CCSER1: variants seen among roughly 807,000 people sequenced by gnomAD.
CCSER1 encodes the protein serine-rich coiled-coil domain-containing protein 1.
In CCSER1, 41 loss-of-function variants were observed where a neutral mutation model predicts 82.0. That is an observed-to-expected ratio of 0.50 (90% CI 0.39 to 0.65). The LOEUF (loss-of-function observed/expected upper bound fraction) is 0.65, where lower values mean the gene tolerates loss of function less well. CCSER1 is among the 30% of genes least tolerant of loss of function. The pLI, the probability that CCSER1 is intolerant of heterozygous loss-of-function variation, is 0.00. For missense variants in CCSER1, 1,119 were observed against 1,064.2 expected (o/e 1.05, Z -0.72); for synonymous variants, 414 against 383.9 (o/e 1.08, Z -0.92).
At chr4:91,097,412 C>G (rs1463542062) in intron 10 of CCSER1, among the ~76,000 whole-genome samples, 1 of 152,124 alleles carries the variant, frequency 6.6e-6, no homozygotes, top group African/African-American at 2.4e-5. Flanking sequence ...TCAAGGATCA[C>G]TTTTATATAA....
intron 3 of CCSER1, among the ~76,000 whole-genome samples, chr4:90,348,769 T>C (rs968061851): frequency 2.0e-5 from 3 of 152,200 alleles, no homozygotes; most frequent in African/African-American, 4.8e-5. Context: ...GTTTCTGACA[T>C]CCACTGGTGG....
At chr4:90,233,383 C>A (rs969920161) in intron 1 of CCSER1, among the ~76,000 whole-genome samples, 9 of 151,926 alleles carry the variant, frequency 5.9e-5, no homozygotes, top group African/African-American at 1.9e-4. Flanking sequence ...ACAAAAAACC[C>A]AACACCGCAT....
chr4:90,938,924 C>T lies in CCSER1; in HGVS notation c.2172+15477C>T, dbSNP rs768203909. 239 of 160,580 alleles carry T rather than the reference C, an allele frequency of 1.5e-3. 1 individual carries two copies. The highest frequency in any genetic ancestry group is 2.8e-3 in the Non-Finnish European group (201 of 72,470). 9.9% of individuals were successfully genotyped at this position (160,580 alleles called of 1,614,324 possible). A position where few individuals can be genotyped will look rare whatever the true frequency, so the allele number is the denominator to read the frequency against. On this transcript the variant is annotated intron_variant, in intron 9 of 10. Coordinates refer to ENST00000509176, the MANE Select transcript of CCSER1 (RefSeq NM_001145065.2). ...TATTGATGAATTAAGATTCAACTAA[C>T]ATATTTCTGCTTTATTCTCATTGTA...
intron 10 of CCSER1, among the ~76,000 whole-genome samples, chr4:91,206,831 T>C (rs1364479300): frequency 1.3e-5 from 2 of 151,878 alleles, no homozygotes; most frequent in African/African-American, 4.8e-5. Flanking sequence ...CCTTGAGAGA[T>C]TGCTGAATTA....
chr4:90,685,773 C>T (rs1027407342), intron 6 of CCSER1, among the ~76,000 whole-genome samples: 3 of 152,236 alleles, frequency 2.0e-5, no homozygotes, highest in South Asian at 2.1e-4. Flanking sequence ...AATCAAACCG[C>T]GATACTGATT....
intron 6 of CCSER1, among the ~76,000 whole-genome samples, chr4:90,648,086 A>G (rs887985433): frequency 2.6e-5 from 4 of 151,932 alleles, no homozygotes; most frequent in Admixed American, 2.6e-4. Flanking sequence ...TTTAGGTTCA[A>G]TATTAGAGTA....
intron 5 of CCSER1, among the ~76,000 whole-genome samples, chr4:90,498,347 C>T (rs902638731): frequency 6.6e-6 from 1 of 152,100 alleles, no homozygotes; most frequent in Non-Finnish European, 1.5e-5. Flanking sequence ...ATCGACTGTG[C>T]AGTCTGAAAC....
chr4:91,380,307 A>G (rs893608636), intron 10 of CCSER1, among the ~76,000 whole-genome samples: 2 of 152,034 alleles, frequency 1.3e-5, no homozygotes, highest in Admixed American at 6.5e-5. Context: ...ATCCTTTTTA[A>G]CTTTCTGTCT....
intron 8 of CCSER1, among the ~76,000 whole-genome samples, chr4:90,916,896 A>T (rs942529428): frequency 5.0e-5 from 6 of 121,044 alleles, no homozygotes; most frequent in African/African-American, 2.5e-4. Flanking sequence ...CTATACAGTT[A>T]AGAGACACAT....
At chr4:90,582,789 A>G (rs1781545323) in intron 5 of CCSER1, among the ~76,000 whole-genome samples, 1 of 152,190 alleles carries the variant, frequency 6.6e-6, no homozygotes, top group Admixed American at 6.5e-5. Context: ...TTACCTTCAC[A>G]CTTTAAAACA....
At chr4:90,204,888 C>G (rs1738492921) in intron 1 of CCSER1, among the ~76,000 whole-genome samples, 1 of 152,038 alleles carries the variant, frequency 6.6e-6, no homozygotes. Flanking sequence ...GTTTGTAGTT[C>G]TTCTTTAAGA....
At chr4:90,632,998 T>C (rs1724717603) in intron 6 of CCSER1, among the ~76,000 whole-genome samples, 1 of 152,114 alleles carries the variant, frequency 6.6e-6, no homozygotes, top group Non-Finnish European at 1.5e-5. Flanking sequence ...CAAGTTCTTC[T>C]ACAGGTTGTA....
chr4:90,347,750 G>A (rs193019845), intron 3 of CCSER1, among the ~76,000 whole-genome samples: 1 of 152,148 alleles, frequency 6.6e-6, no homozygotes, highest in African/African-American at 2.4e-5. Context: ...AAAGAAAGAA[G>A]GGAAAGATAC....
At chr4:90,179,289 A>C (rs1251461284) in intron 1 of CCSER1, among the ~76,000 whole-genome samples, 1 of 152,228 alleles carries the variant, frequency 6.6e-6, no homozygotes, top group African/African-American at 2.4e-5. Flanking sequence ...ACCTAAGGAT[A>C]GGATATGGAA....
Position 90,612,636 on chromosome 4 carries a change from T to C in CCSER1, c.1725-15389T>C, listed in dbSNP as rs559475959. On this transcript the variant is annotated intron_variant, in intron 5 of 10. Transcript: ENST00000509176. ...AAAAGGTCAGTCTTAGAATAGCTTATGTATTTTTGCTTCCAAATGCAACAG... is the reference window on the plus strand; with the variant it reads ...AAAAGGTCAGTCTTAGAATAGCTTACGTATTTTTGCTTCCAAATGCAACAG... 2.2e-3 allele frequency among the ~76,000 whole-genome samples: 329 copies of C among 152,322 alleles called. 2 individuals are homozygous for C. The highest frequency in any genetic ancestry group is 3.4e-3 in the Non-Finnish European group (233 of 68,026).
intron 5 of CCSER1, among the ~76,000 whole-genome samples, chr4:90,616,683 TCA>T (rs56988615): frequency 0.18 from 21,936 of 119,618 alleles, 1,486 homozygotes; most frequent in Non-Finnish European, 0.25. Context: ...TGGCTCTGTC[TCA>T]CACACACACA....
At chr4:90,302,918 T>C (rs1427479901) in intron 1 of CCSER1, among the ~76,000 whole-genome samples, 1 of 152,128 alleles carries the variant, frequency 6.6e-6, no homozygotes, top group East Asian at 1.9e-4. Context: ...ACGAGAGGAC[T>C]AATGAATCTG....
At chr4:91,451,748 G>A (rs1236446998) in intron 10 of CCSER1, among the ~76,000 whole-genome samples, 1 of 151,780 alleles carries the variant, frequency 6.6e-6, no homozygotes, top group Non-Finnish European at 1.5e-5. Flanking sequence ...TACTTGGGTG[G>A]AATTAATAGC....
At position 90,779,429 on chromosome 4, in the gene CCSER1, G is replaced by A. The variant is rs996433487; in HGVS notation, c.2011-36333G>A. Among the ~76,000 whole-genome samples the A allele has an allele frequency of 7.2e-5, 11 of 151,772 alleles. No individual in the cohort carries two copies. In the South Asian group the frequency reaches 1.9e-3, roughly 26 times the overall value. ...CATACTTTAAAAAAAAAAAATCTGC[G>A]TCTTGTGCAATTTGAATCTGTCCCT... On this transcript the variant is annotated intron_variant, in intron 7 of 10. Coordinates refer to ENST00000509176, the MANE Select transcript of CCSER1 (RefSeq NM_001145065.2).
Sources: gnomAD v4.1 joint callset for allele counts (sites outside exome capture counted in the v4.1 genomes callset) on GRCh38, gnomAD v4.1.1 for gene constraint, MANE v1.5 for transcripts, NCBI Gene and HGNC (gene_info 2026-07-23, HGNC 2026-07-21) for gene names.